NPTN: variants seen among roughly 807,000 people sequenced by gnomAD.
NPTN encodes the protein SDR-1.
A neutral mutation model predicts 42.7 loss-of-function variants in NPTN; 5 were observed. The ratio of observed to expected loss-of-function variants is 0.12; its 90% CI spans 0.06 to 0.25. NPTN has a LOEUF of 0.25. Among genes scored for constraint, NPTN ranks in the 10% least tolerant of loss-of-function variants. The probability of loss-of-function intolerance (pLI) is 1.00; values close to 1 mark genes in which losing one functional copy is unlikely to be tolerated. For missense variants in NPTN, 307 were observed against 525.4 expected (o/e 0.58, Z 4.06); for synonymous variants, 180 against 201.9 (o/e 0.89, Z 0.92).
chr15:73,626,905 G>A (rs1159433309), intron 1 of NPTN, among the ~76,000 whole-genome samples: 2 of 152,030 alleles, frequency 1.3e-5, no homozygotes, highest in South Asian at 2.1e-4. Context: ...CTGGGTGACC[G>A]ATGATTTTTA....
Position 73,605,101 on chromosome 15 carries a change from G to GC in NPTN, c.92-7733_92-7732insG, listed in dbSNP as rs202194591. Among the ~76,000 whole-genome samples, 97 of 135,118 alleles carry GC rather than the reference G, an allele frequency of 7.2e-4. 4 individuals are homozygous for GC. The highest frequency in any genetic ancestry group is 2.1e-3 in the African/African-American group (73 of 34,960). The allele number at this position is 135,118 out of a possible 152,430, so 88.6% of individuals were successfully genotyped here. A position where few individuals can be genotyped will look rare whatever the true frequency, so the allele number is the denominator to read the frequency against. ...GACAGAGTAGAGACCCTGTCTCAAG[G>GC]GGGGGGGGGGAAAAGAATGATCTAA... On this transcript the variant is annotated intron_variant, in intron 1 of 8. Coordinates refer to ENST00000345330, the MANE Select transcript of NPTN (RefSeq NM_012428.4).
intron 2 of NPTN, among the ~76,000 whole-genome samples, chr15:73,594,418 A>G (rs1896738292): frequency 6.6e-6 from 1 of 152,226 alleles, no homozygotes; most frequent in Non-Finnish European, 1.5e-5. Flanking sequence ...TTTTCCCTTA[A>G]GTGTTAAAGA....
rs183542259 is a variant in NPTN, at chr15:73,627,645, A to G, written c.91+5480T>C. 1.7e-3 allele frequency among the ~76,000 whole-genome samples: 255 copies of G among 152,364 alleles called. 1 individual carries two copies. The highest frequency in any genetic ancestry group is 3.4e-3 in the Middle Eastern group (1 of 294). On this transcript the variant is annotated intron_variant, in intron 1 of 8. Coordinates refer to ENST00000345330, the MANE Select transcript of NPTN (RefSeq NM_012428.4). ...ATCAGGTCAAAATAATCTCAAATTA[A>G]TAAGAGTTGATTGATAAATGTTTGC... is the stretch of plus-strand genomic sequence containing the variant.
In NPTN at chr15:73,570,706, T is replaced by A. The variant is rs1001513618; in HGVS notation, c.841-283A>T. 3.9e-5 allele frequency among the ~76,000 whole-genome samples: 6 copies of A among 152,112 alleles called. No homozygotes were observed. The highest frequency in any genetic ancestry group is 2.0e-4 in the Admixed American group (3 of 15,286). On this transcript the variant is annotated intron_variant, in intron 5 of 8. Coordinates refer to ENST00000345330, the MANE Select transcript of NPTN (RefSeq NM_012428.4). This position sits in a 1 kb window ranked among gnomAD's most constrained non-coding sequence, Gnocchi z 4.0. ...GACTCAGAAAAGTCCAACAACCTAG[T>A]AAATGCTGCCTCCAACACCAGGTAA...
intron 1 of NPTN, among the ~76,000 whole-genome samples, chr15:73,622,394 G>A (rs1898178492): frequency 6.6e-6 from 1 of 151,646 alleles, no homozygotes; most frequent in South Asian, 2.1e-4. Flanking sequence ...ATGGAAAAGG[G>A]CAATCCTTAA....
chr15:73,573,932 A>G (rs1895547380), intron 4 of NPTN, 137 bp from the exon 5 acceptor site: 1 of 1,150,608 alleles, frequency 8.7e-7, no homozygotes, highest in Admixed American at 3.2e-5. Context: ...TTTGATGAAG[A>G]GCATTTCAGG....
intron 1 of NPTN, among the ~76,000 whole-genome samples, chr15:73,610,524 C>T (rs1041703365): frequency 3.3e-5 from 5 of 152,116 alleles, no homozygotes; most frequent in African/African-American, 9.7e-5. Context: ...AAAAAGCTAA[C>T]GCATAATCCC....
chr15:73,592,193 T>TCCAACTCTCAGGCCAG, intron 2 of NPTN, 56 bp from the exon 3 acceptor site: 1 of 1,500,280 alleles, frequency 6.7e-7, no homozygotes, highest in Non-Finnish European at 9.1e-7. Context: ...TCTGTAGCCC[T>TCCAACTCTCAGGCCAG]GGCCTGAGAG....
Position 73,570,455 on chromosome 15 carries a change from A to G in NPTN, c.841-32T>C. ...AAAAGTGAGAATACACAAAGGTGAG[A>G]GTGAGTAACTGAGCTAATGTTCAAG... On this transcript the variant is annotated intron_variant, in intron 5 of 8. Coordinates refer to ENST00000345330, the MANE Select transcript of NPTN (RefSeq NM_012428.4). This position sits in a 1 kb window ranked among gnomAD's most constrained non-coding sequence, Gnocchi z 4.0. The G allele has an allele frequency of 6.3e-7, 1 of 1,594,044 alleles. No individual in the cohort carries two copies. Among genetic ancestry groups the G allele is most frequent in the Non-Finnish European group, 8.6e-7 (1 of 1,167,532 alleles).
chr15:73,566,030 A>C (rs1333944345), intron 6 of NPTN, among the ~76,000 whole-genome samples: 1 of 152,206 alleles, frequency 6.6e-6, no homozygotes, highest in Non-Finnish European at 1.5e-5. Context: ...TTCTAAATCC[A>C]CTTAAATTTT....
At chr15:73,622,589 T>C (rs1898189616) in intron 1 of NPTN, among the ~76,000 whole-genome samples, 1 of 151,136 alleles carries the variant, frequency 6.6e-6, no homozygotes, top group African/African-American at 2.4e-5. Context: ...AAAATTACTG[T>C]CAGATATAAG....
chr15:73,569,106 G>A lies in NPTN; in HGVS notation c.1114+1044C>T. The A allele has an allele frequency of 2.0e-6, 2 of 985,778 alleles. No homozygotes were observed. Among genetic ancestry groups the A allele is most frequent in the South Asian group, 4.7e-5 (1 of 21,294 alleles). The allele number at this position is 985,778 out of a possible 1,614,324, so 61.1% of individuals were successfully genotyped here. A position where few individuals can be genotyped will look rare whatever the true frequency, so the allele number is the denominator to read the frequency against. On this transcript the variant is annotated intron_variant, in intron 6 of 8. Transcript: ENST00000345330. This position sits in a 1 kb window ranked among gnomAD's most constrained non-coding sequence, Gnocchi z 4.1. Reference sequence around the variant, plus strand: ...GCTGGCAACCCCACCATCACCCCGGGTAGGCTACCACTGAGCCCAGGGGCA... The same window carrying A: ...GCTGGCAACCCCACCATCACCCCGGATAGGCTACCACTGAGCCCAGGGGCA...
At chr15:73,600,450 C>A (rs1897035206) in intron 1 of NPTN, among the ~76,000 whole-genome samples, 1 of 152,132 alleles carries the variant, frequency 6.6e-6, no homozygotes, top group Non-Finnish European at 1.5e-5. Context: ...ATTCAAAATT[C>A]ATTTATTCAT....
At chr15:73,612,894 C>T (rs1897661433) in intron 1 of NPTN, among the ~76,000 whole-genome samples, 1 of 152,216 alleles carries the variant, frequency 6.6e-6, no homozygotes, top group African/African-American at 2.4e-5. Context: ...GAGGAAATCT[C>T]CTAAGCCTTT....
intron 1 of NPTN, chr15:73,632,785 G>C: frequency 4.0e-6 from 1 of 251,906 alleles, no homozygotes; most frequent in Non-Finnish European, 7.6e-6. Context: ...TAAGAGCTGC[G>C]CCCCCTCCTC....
intron 1 of NPTN, among the ~76,000 whole-genome samples, chr15:73,611,708 CACA>C (rs1341035578): frequency 6.6e-6 from 1 of 152,106 alleles, no homozygotes; most frequent in East Asian, 1.9e-4. Flanking sequence ...TCATAGTATG[CACA>C]ACATCAAGAA....
In NPTN at chr15:73,598,302, G is replaced by C. The variant is rs138297546; in HGVS notation, c.92-933C>G. ...CTGGCTTCTAGAAGCCAGCTCAGAAGAATGAGAAATGTACCCTGATGAATT... is the reference window on the plus strand; with the variant it reads ...CTGGCTTCTAGAAGCCAGCTCAGAACAATGAGAAATGTACCCTGATGAATT... On this transcript the variant is annotated intron_variant, in intron 1 of 8. Coordinates refer to ENST00000345330, the MANE Select transcript of NPTN (RefSeq NM_012428.4). 3.9e-5 allele frequency among the ~76,000 whole-genome samples: 6 copies of C among 152,202 alleles called. No individual in the cohort carries two copies. The East Asian group carries it at 1.2e-3, about 29-fold the overall frequency.
Position 73,587,558 on chromosome 15 carries a change from G to A in NPTN, c.672C>T (p.Ser224=). ...GEYHCVYHFV[S]APKANATIEV... ...CAATGGTGGCGTTTGCTTTAGGAGCGCTGACAAAGTGATATACGCAGTGGT... is the reference window on the plus strand; with the variant it reads ...CAATGGTGGCGTTTGCTTTAGGAGCACTGACAAAGTGATATACGCAGTGGT... The change falls in exon 4 of 9, where the codon AGC becomes AGT. Residue 224 remains serine (S), a synonymous_variant. Coordinates refer to ENST00000345330, the MANE Select transcript of NPTN (RefSeq NM_012428.4). The A allele has an allele frequency of 6.2e-7, 1 of 1,613,992 alleles. No homozygotes were observed. The highest frequency in any genetic ancestry group is 8.5e-7 in the Non-Finnish European group (1 of 1,179,870).
chr15:73,626,271 A>G (rs1279692415), intron 1 of NPTN, among the ~76,000 whole-genome samples: 1 of 152,240 alleles, frequency 6.6e-6, no homozygotes, highest in African/African-American at 2.4e-5. Flanking sequence ...CAAGTTTAAT[A>G]TAAGATCTCT....
Sources: gnomAD v4.1 joint callset for allele counts (sites outside exome capture counted in the v4.1 genomes callset) on GRCh38, gnomAD v4.1.1 for gene constraint, Gnocchi (gnomAD v3.1) non-coding constraint, MANE v1.5 for transcripts, NCBI Gene and HGNC (gene_info 2026-07-23, HGNC 2026-07-21) for gene names.